RARB: variants seen among roughly 807,000 people sequenced by gnomAD.
The protein encoded by RARB is HBV-activated protein.
RARB carries 17 observed loss-of-function variants against 51.9 expected under a neutral mutation model. The observed-to-expected ratio is 0.33, with a 90% confidence interval of 0.22 to 0.49. RARB has a LOEUF of 0.49. RARB is among the 20% of genes least tolerant of loss of function. The pLI is 0.99. For synonymous variants in RARB, 215 were observed against 195.4 expected (o/e 1.10, Z -0.84); for missense variants, 369 against 550.8 (o/e 0.67, Z 3.30).
intron 5 of RARB, among the ~76,000 whole-genome samples, chr3:25,194,371 T>C (rs1436250): frequency 0.2 from 30,243 of 151,408 alleles, 3,195 homozygotes; most frequent in African/African-American, 0.27. Context: ...GAATAGACTT[T>C]AGGTGCTTTT....
chr3:25,211,778 C>A (rs750280955), intron 5 of RARB, among the ~76,000 whole-genome samples: 1 of 152,138 alleles, frequency 6.6e-6, no homozygotes, highest in Non-Finnish European at 1.5e-5. Context: ...ATATGTACAT[C>A]TGTGTTCTAG....
intron 5 of RARB, among the ~76,000 whole-genome samples, chr3:25,395,293 A>G (rs879656393): frequency 3.3e-5 from 5 of 152,168 alleles, no homozygotes; most frequent in African/African-American, 4.8e-5. Context: ...GTTTTCTTTC[A>G]CAAGTTACCT....
chr3:25,382,129 A>G (rs1311353405), intron 5 of RARB, among the ~76,000 whole-genome samples: 1 of 152,200 alleles, frequency 6.6e-6, no homozygotes, highest in Non-Finnish European at 1.5e-5. Flanking sequence ...CTCAAAGAGT[A>G]GGAGTCCAAA....
At chr3:25,448,018 TA>T (rs1413472702) in intron 1 of RARB, among the ~76,000 whole-genome samples, 1 of 152,068 alleles carries the variant, frequency 6.6e-6, no homozygotes, top group Non-Finnish European at 1.5e-5. Context: ...AAAATGATGT[TA>T]TTTAATGCTC....
chr3:25,563,622 A>T (rs192163739), intron 3 of RARB, among the ~76,000 whole-genome samples: 5 of 152,348 alleles, frequency 3.3e-5, no homozygotes, highest in Admixed American at 6.5e-5. Context: ...TTAGTAATAG[A>T]TCCACCTGCC....
chr3:25,470,779 C>T (rs1057514879), intron 2 of RARB, among the ~76,000 whole-genome samples: 3 of 152,062 alleles, frequency 2.0e-5, no homozygotes, highest in African/African-American at 7.2e-5. Flanking sequence ...TGCTGTTGTT[C>T]GCCTTTGTAG....
At chr3:24,883,262 T>C (rs575348538) in intron 2 of RARB, among the ~76,000 whole-genome samples, 1 of 152,242 alleles carries the variant, frequency 6.6e-6, no homozygotes, top group East Asian at 1.9e-4. Flanking sequence ...TGATCTCTAA[T>C]TAAATCCTCT....
intron 3 of RARB, among the ~76,000 whole-genome samples, chr3:25,511,211 C>T (rs898444200): frequency 2.0e-5 from 3 of 152,074 alleles, no homozygotes; most frequent in Non-Finnish European, 2.9e-5. Flanking sequence ...CGGCTCACTG[C>T]AAGCTCCGCC....
At chr3:25,164,373 C>T (rs752410738) in intron 4 of RARB, among the ~76,000 whole-genome samples, 7 of 152,146 alleles carry the variant, frequency 4.6e-5, no homozygotes, top group African/African-American at 1.7e-4. Flanking sequence ...GGAAGGCCAG[C>T]GTTAATGCTG....
intron 3 of RARB, among the ~76,000 whole-genome samples, chr3:25,563,344 C>G (rs1249510992): frequency 6.6e-6 from 1 of 152,214 alleles, no homozygotes; most frequent in Non-Finnish European, 1.5e-5. Context: ...TCAGCCTGGT[C>G]CAAAAGGCAC....
At chr3:24,958,094 A>T (rs1436199644) in intron 2 of RARB, among the ~76,000 whole-genome samples, 1 of 152,028 alleles carries the variant, frequency 6.6e-6, no homozygotes, top group Non-Finnish European at 1.5e-5. Flanking sequence ...CAGACAAGCC[A>T]GGTTCAACAC....
intron 2 of RARB, among the ~76,000 whole-genome samples, chr3:25,028,143 T>A (rs1285859179): frequency 6.6e-6 from 1 of 152,230 alleles, no homozygotes; most frequent in African/African-American, 2.4e-5. Flanking sequence ...CTGGTGCTTT[T>A]CAAGGAGTGT....
intron 5 of RARB, among the ~76,000 whole-genome samples, chr3:25,339,151 G>T (rs1285873259): frequency 6.6e-6 from 1 of 152,178 alleles, no homozygotes; most frequent in Admixed American, 6.5e-5. Flanking sequence ...TAAAGGAGAA[G>T]TCTCCCAGGA....
intron 4 of RARB, among the ~76,000 whole-genome samples, chr3:25,149,850 T>A (rs1016719857): frequency 6.6e-6 from 1 of 152,202 alleles, no homozygotes; most frequent in South Asian, 2.1e-4. Flanking sequence ...ATCTATACAC[T>A]TAATGAAATT....
intron 2 of RARB, among the ~76,000 whole-genome samples, chr3:24,905,300 A>T (rs1327223538): frequency 6.6e-6 from 1 of 152,204 alleles, no homozygotes; most frequent in African/African-American, 2.4e-5. Context: ...AAAATGAGTT[A>T]TCTAAACAAA....
chr3:25,222,829 A>G (rs945731069), intron 5 of RARB, among the ~76,000 whole-genome samples: 1 of 152,188 alleles, frequency 6.6e-6, no homozygotes, highest in African/African-American at 2.4e-5. Context: ...AAAGCCAAGG[A>G]TCTTAAAATA....
chr3:25,137,335 A>G (rs762615952), intron 4 of RARB, among the ~76,000 whole-genome samples: 87 of 152,218 alleles, frequency 5.7e-4, no homozygotes, highest in East Asian at 3.9e-4. Flanking sequence ...TTTCATTTCA[A>G]TGGTGAAATG....
chr3:25,141,923 T>C (rs7611139), intron 4 of RARB, among the ~76,000 whole-genome samples: 38,767 of 152,160 alleles, frequency 0.25, 5,294 homozygotes, highest in South Asian at 0.35. Flanking sequence ...AGATTGAGCA[T>C]TGGAAATACT....
intron 3 of RARB, among the ~76,000 whole-genome samples, chr3:25,550,056 G>C (rs911634232): frequency 3.3e-5 from 5 of 151,998 alleles, no homozygotes; most frequent in African/African-American, 1.2e-4. Context: ...CCTGATACTT[G>C]GAAACATTCC....
Sources: allele counts gnomAD v4.1 joint callset (sites outside exome capture counted in the v4.1 genomes callset), GRCh38; gene constraint gnomAD v4.1.1; transcripts MANE v1.5; gene names NCBI Gene and HGNC (gene_info 2026-07-23, HGNC 2026-07-21).